RAPGEF5: variants seen among roughly 807,000 people sequenced by gnomAD.
RAPGEF5 encodes M-Ras-regulated GEF.
In RAPGEF5, 65 loss-of-function variants were observed where a neutral mutation model predicts 125.2. The observed-to-expected ratio is 0.52, with a 90% CI of 0.43 to 0.64. The LOEUF is 0.64. Ranked by LOEUF, RAPGEF5 falls within the 30% of genes least tolerant of loss-of-function variation. The probability of loss-of-function intolerance (pLI) is 0.00; values close to 1 mark genes in which losing one functional copy is unlikely to be tolerated. For synonymous variants in RAPGEF5, 391 were observed against 385.9 expected (o/e 1.01, Z -0.16); for missense variants, 958 against 1,048.1 (o/e 0.91, Z 1.19).
At chr7:22,212,473 C>T (rs899927049) in intron 9 of RAPGEF5, among the ~76,000 whole-genome samples, 6 of 152,192 alleles carry the variant, frequency 3.9e-5, no homozygotes, top group East Asian at 1.9e-4. Context: ...CTGAGTTTCT[C>T]GCAGAACATC....
At chr7:22,138,006 TAC>T (rs57116603) in intron 21 of RAPGEF5, among the ~76,000 whole-genome samples, 8,563 of 148,322 alleles carry the variant, frequency 0.058, 361 homozygotes, top group African/African-American at 0.11. Flanking sequence ...GTTTGGAAAC[TAC>T]ACACACACAC....
intron 8 of RAPGEF5, among the ~76,000 whole-genome samples, chr7:22,223,376 TTC>T (rs1785839448): frequency 6.6e-6 from 1 of 152,198 alleles, no homozygotes; most frequent in African/African-American, 2.4e-5. Flanking sequence ...GTGGAGCAAT[TTC>T]TGTTTGAACT....
intron 7 of RAPGEF5, among the ~76,000 whole-genome samples, chr7:22,250,023 G>T (rs1786578751): frequency 6.6e-6 from 1 of 152,186 alleles, no homozygotes; most frequent in South Asian, 2.1e-4. Context: ...CTTTGATGCG[G>T]CTATCAGAAA....
chr7:22,127,499 G>C (rs1205760486), intron 24 of RAPGEF5, among the ~76,000 whole-genome samples: 1 of 152,230 alleles, frequency 6.6e-6, no homozygotes, highest in Non-Finnish European at 1.5e-5. Context: ...AGGAACTAGA[G>C]TGCAGTATGT....
chr7:22,343,552 C>A (rs1443699153), intron 1 of RAPGEF5, among the ~76,000 whole-genome samples: 1 of 152,184 alleles, frequency 6.6e-6, no homozygotes, highest in African/African-American at 2.4e-5. Flanking sequence ...GAAATAGTTT[C>A]AACCTAGCAT....
chr7:22,218,202 C>T (rs963899565), intron 9 of RAPGEF5, among the ~76,000 whole-genome samples: 6 of 152,106 alleles, frequency 3.9e-5, no homozygotes, highest in Admixed American at 6.5e-5. Flanking sequence ...TCTCATTGGC[C>T]GTGACTACTT....
chr7:22,147,930 C>A (rs191857857), intron 18 of RAPGEF5, among the ~76,000 whole-genome samples: 122 of 152,290 alleles, frequency 8.0e-4, no homozygotes, highest in African/African-American at 2.8e-3. Context: ...AAGTTATTTG[C>A]ATTTTAGAAG....
intron 11 of RAPGEF5, among the ~76,000 whole-genome samples, chr7:22,185,114 TG>T (rs1158605490): frequency 1.3e-5 from 2 of 152,238 alleles, no homozygotes; most frequent in African/African-American, 2.4e-5. Flanking sequence ...ACTTCAATTA[TG>T]CCTTTCATCC....
At chr7:22,125,288 A>G (rs1468275470) in intron 25 of RAPGEF5, 2 of 246,964 alleles carry the variant, frequency 8.1e-6, no homozygotes, top group African/African-American at 4.5e-5. Flanking sequence ...CCAATGGACA[A>G]GCAAAGCAAG....
At chr7:22,177,191 T>C (rs796750772) in intron 11 of RAPGEF5, among the ~76,000 whole-genome samples, 132 of 152,268 alleles carry the variant, frequency 8.7e-4, no homozygotes, top group African/African-American at 2.9e-3. Context: ...GGAATCTGAT[T>C]GGTGAGATAA....
intron 9 of RAPGEF5, among the ~76,000 whole-genome samples, chr7:22,215,984 G>A (rs1481077190): frequency 1.3e-5 from 2 of 152,150 alleles, no homozygotes; most frequent in Admixed American, 6.5e-5. Context: ...ACATTCTTAT[G>A]TCTGCCACTA....
At chr7:22,181,957 G>C (rs924482844) in intron 11 of RAPGEF5, among the ~76,000 whole-genome samples, 1 of 152,166 alleles carries the variant, frequency 6.6e-6, no homozygotes, top group African/African-American at 2.4e-5. Context: ...GCTTGTCAGA[G>C]CAATTCTATG....
chr7:22,151,350 T>C (rs1783619685), intron 17 of RAPGEF5, among the ~76,000 whole-genome samples: 1 of 152,100 alleles, frequency 6.6e-6, no homozygotes. Flanking sequence ...AAGTTTTTGA[T>C]ACAAACTACC....
At chr7:22,304,370 A>G (rs1462768849) in intron 5 of RAPGEF5, among the ~76,000 whole-genome samples, 3 of 152,228 alleles carry the variant, frequency 2.0e-5, no homozygotes, top group Admixed American at 1.3e-4. Flanking sequence ...TAAACATGGC[A>G]TGCTATATAG....
At chr7:22,337,224 G>A (rs1056295454) in intron 1 of RAPGEF5, among the ~76,000 whole-genome samples, 1 of 152,202 alleles carries the variant, frequency 6.6e-6, no homozygotes, top group Non-Finnish European at 1.5e-5. Context: ...GGTTTGGTTG[G>A]GGATGTAATC....
At chr7:22,211,602 T>C (rs1378303600) in intron 9 of RAPGEF5, among the ~76,000 whole-genome samples, 1 of 152,206 alleles carries the variant, frequency 6.6e-6, no homozygotes, top group Non-Finnish European at 1.5e-5. Context: ...GGTTACTACT[T>C]AATGTGAAAT....
chr7:22,124,739 T>C (rs188921307), intron 25 of RAPGEF5, among the ~76,000 whole-genome samples: 26 of 152,352 alleles, frequency 1.7e-4, no homozygotes, highest in Middle Eastern at 6.8e-3. Context: ...GATTAATTTA[T>C]AATTATTGAA....
intron 3 of RAPGEF5, among the ~76,000 whole-genome samples, chr7:22,312,278 G>A (rs910355090): frequency 1.3e-5 from 2 of 151,462 alleles, no homozygotes; most frequent in Admixed American, 1.3e-4. Flanking sequence ...GTGCGATCTC[G>A]GCTCACTGCA....
intron 14 of RAPGEF5, among the ~76,000 whole-genome samples, chr7:22,160,092 G>C (rs1783939370): frequency 6.6e-6 from 1 of 152,172 alleles, no homozygotes; most frequent in Non-Finnish European, 1.5e-5. Context: ...CTGAGCAGCA[G>C]AGTGAGACTA....
Sources: allele counts gnomAD v4.1 joint callset (sites outside exome capture counted in the v4.1 genomes callset), GRCh38; gene constraint gnomAD v4.1.1; transcripts MANE v1.5; gene names NCBI Gene and HGNC (gene_info 2026-07-23, HGNC 2026-07-21).